Variants in ZNF417 observed in about 807,000 individuals in gnomAD.
ZNF417 encodes zinc finger protein 417.
In ZNF417, 5 loss-of-function variants were observed where a neutral mutation model predicts 7.4. The observed-to-expected ratio is 0.68, with a 90% CI of 0.35 to 1.43. ZNF417 has a LOEUF of 1.43. Ranked by LOEUF, ZNF417 falls within the 40% of genes most tolerant of loss-of-function variation. The pLI, the probability that ZNF417 is intolerant of heterozygous loss-of-function variation, is 0.04. For missense variants in ZNF417, 437 were observed against 697.3 expected, an observed-to-expected ratio of 0.63 and a Z score of 4.20; for synonymous variants, 147 against 239.1, an observed-to-expected ratio of 0.61 and a Z score of 3.55.
rs750919074 is a variant in ZNF417 at position 57,916,404 on chromosome 19, G to A, written c.8C>T (p.Ala3Val). The change falls in exon 1 of 3, where the codon GCG (alanine) becomes GTG (valine). Residue 3 changes from alanine (A) to valine (V), a missense_variant. Ala to Val is a moderately conservative substitution (Grantham distance 64, BLOSUM62 0). This residue lies in a region of ZNF417 where 57 missense variants were observed against 70.7 expected (regional missense o/e 0.81). Coordinates refer to ENST00000312026, the MANE Select transcript of ZNF417 (RefSeq NM_152475.3). ...CTGAGTCGGGCGCCTCGGCGCAGCC[G>A]CTGCCATCGGACTACTTGGGGAAGC... MAAAAPRRPTQQG... is the reference protein window; with the variant it reads MAVAAPRRPTQQG... The A allele has an allele frequency of 1.2e-6, 2 of 1,614,130 alleles. No individual in the cohort carries two copies. Among genetic ancestry groups the A allele is most frequent in the Non-Finnish European group, 1.7e-6 (2 of 1,180,046 alleles).
rs1251737996 is a variant in ZNF417 at position 57,912,007 on chromosome 19, C to T, written c.163+53G>A. ...GAAAGACAGTCCTGTCAATGAAAAA[C>T]AGGGGAACAGTAACACTAGCTCAGG... On this transcript the variant is annotated intron_variant, in intron 2 of 2. Transcript: ENST00000312026. 5 of 1,522,864 alleles carry T rather than the reference C, an allele frequency of 3.3e-6. No homozygotes were observed. In the Admixed American group the frequency reaches 6.5e-5, roughly 20 times the overall value. 94.3% of individuals were successfully genotyped at this position (1,522,864 alleles called of 1,614,324 possible).
rs1009487131 is a variant in ZNF417, at chr19:57,908,634, A to G, written c.1644T>C (p.Tyr548=). 9 of 1,614,214 alleles carry G rather than the reference A, an allele frequency of 5.6e-6. No individual in the cohort carries two copies. The highest frequency in any genetic ancestry group is 2.2e-5 in the East Asian group (1 of 44,882). The change falls in exon 3 of 3, where the codon TAT becomes TAC. Residue 548 remains tyrosine (Y), a synonymous_variant. Transcript: ENST00000312026. ...HRRIHTGERP[Y]ECTKCGKTFQ... Reference sequence around the variant, plus strand: ...ATGTTTTTCCACATTTGGTACATTCATAAGGCCTTTCTCCAGTGTGAATTC... The same window carrying G: ...ATGTTTTTCCACATTTGGTACATTCGTAAGGCCTTTCTCCAGTGTGAATTC...
At position 57,906,590 on chromosome 19, in the gene ZNF417, A is replaced by G. The variant is rs887390779; in HGVS notation, c.*1960T>C. On this transcript the variant is annotated 3_prime_UTR_variant, in exon 3 of 3. Transcript: ENST00000312026. ...AGCCTGGCTAACGTAGTGAAAGCCC[A>G]TCTCTACTAAAAATACAAAAATTAG... Among the ~76,000 whole-genome samples the G allele has an allele frequency of 6.6e-6, 1 of 151,100 alleles. No individual in the cohort carries two copies. The highest frequency in any genetic ancestry group is 1.5e-5 in the Non-Finnish European group (1 of 67,844).
At chr19:57,914,828 G>A (rs554114290) in intron 1 of ZNF417, among the ~76,000 whole-genome samples, 11 of 152,222 alleles carry the variant, frequency 7.2e-5, no homozygotes, top group African/African-American at 2.6e-4. Flanking sequence ...GGGCATACTT[G>A]CATATAACCT....
intron 2 of ZNF417, among the ~76,000 whole-genome samples, chr19:57,910,854 G>A (rs2071893202): frequency 6.6e-6 from 1 of 152,166 alleles, no homozygotes; most frequent in African/African-American, 2.4e-5. Context: ...GACGAGCCTG[G>A]CTAACACGGT....
At position 57,906,253 on chromosome 19, in the gene ZNF417, T is replaced by C. The variant is rs2071826069; in HGVS notation, c.*2297A>G. Among the ~76,000 whole-genome samples the C allele has an allele frequency of 6.6e-6, 1 of 152,194 alleles. No homozygotes were observed. Among genetic ancestry groups the C allele is most frequent in the Non-Finnish European group, 1.5e-5 (1 of 68,038 alleles). On this transcript the variant is annotated 3_prime_UTR_variant, in exon 3 of 3. Transcript: ENST00000312026. The stretch of plus-strand genomic sequence containing the variant: ...TTGATTAAAAATCATCAAAGATCTT[T>C]CCAGTGAGAAGGATGAAAAATATTA...
chr19:57,912,859 T>C (rs558862423), intron 1 of ZNF417, among the ~76,000 whole-genome samples: 3 of 151,980 alleles, frequency 2.0e-5, no homozygotes, highest in African/African-American at 7.2e-5. Flanking sequence ...AAGTGATCCA[T>C]CCGCCTTGGC....
chr19:57,909,176 T>C lies in ZNF417; in HGVS notation c.1102A>G (p.Ile368Val), dbSNP rs138596716. ...GKSFRQKFCFINHQRVHTGER... is the reference protein window; with the variant it reads ...GKSFRQKFCFVNHQRVHTGER... ...CCAGTGTGAACACGCTGATGGTTAA[T>C]AAAGCAGAACTTCTGACGAAAAGAT... Residue 368 changes from isoleucine (I) to valine (V), a missense_variant, in exon 3 of 3, where the codon ATT becomes GTT. By Grantham distance (29) the Ile-to-Val change is conservative (BLOSUM62 3). Coordinates refer to ENST00000312026, the MANE Select transcript of ZNF417 (RefSeq NM_152475.3). The C allele has an allele frequency of 2.3e-4, 369 of 1,614,044 alleles. No homozygotes were observed. Among genetic ancestry groups the C allele is most frequent in the Middle Eastern group, 3.3e-4 (2 of 6,062 alleles).
rs779927702 is a variant in ZNF417, at chr19:57,908,333, G to A, written c.*217C>T. The A allele has an allele frequency of 1.6e-4, 123 of 766,736 alleles. 1 individual carries two copies. The highest frequency in any genetic ancestry group is 8.3e-4 in the Admixed American group (28 of 33,644). 47.5% of individuals were successfully genotyped at this position (766,736 alleles called of 1,614,324 possible). A position where few individuals can be genotyped will look rare whatever the true frequency, so the allele number is the denominator to read the frequency against. Reference sequence around the variant, plus strand: ...GTAGGAGAATCACTTGAACCTGGGAGGCCCAAGTTGCAGTGAGCCAAGATT... The same window carrying A: ...GTAGGAGAATCACTTGAACCTGGGAAGCCCAAGTTGCAGTGAGCCAAGATT... On this transcript the variant is annotated 3_prime_UTR_variant, in exon 3 of 3. Transcript: ENST00000312026.
rs2071856335 is a variant in ZNF417, at chr19:57,908,375, G to C, written c.*175C>G. 1 of 1,263,264 alleles carries C rather than the reference G, an allele frequency of 7.9e-7. No homozygotes were observed. The highest frequency in any genetic ancestry group is 1.1e-6 in the Non-Finnish European group (1 of 911,922). The allele number at this position is 1,263,264 out of a possible 1,614,324, so 78.3% of individuals were successfully genotyped here. On this transcript the variant is annotated 3_prime_UTR_variant, in exon 3 of 3. Coordinates refer to ENST00000312026, the MANE Select transcript of ZNF417 (RefSeq NM_152475.3). ...GCCAAGATTGCACCACTGCACTCCAGCCTGGGTGACAGAATGAGACTCCGT... is the reference window on the plus strand; with the variant it reads ...GCCAAGATTGCACCACTGCACTCCACCCTGGGTGACAGAATGAGACTCCGT...
rs144713847 is a variant in ZNF417 at position 57,908,897 on chromosome 19, C to G, written c.1381G>C (p.Glu461Gln). 21 of 1,614,086 alleles carry G rather than the reference C, an allele frequency of 1.3e-5. No homozygotes were observed. In the African/African-American group the frequency reaches 2.8e-4, roughly 22 times the overall value. The change falls in exon 3 of 3, where the codon GAA becomes CAA. Residue 461 changes from glutamate (E) to glutamine (Q), a missense_variant. Transcript: ENST00000312026. ...CATACCTCACACGCATATGGCCTTT[C>G]TCCAGTGTGAACTCTCTCATGAACG... ...LLVHERVHTG[E>Q]RPYACEVCGK...
chr19:57,912,649 C>T (rs1479026311), intron 1 of ZNF417, among the ~76,000 whole-genome samples: 2 of 152,130 alleles, frequency 1.3e-5, no homozygotes, highest in African/African-American at 2.4e-5. Context: ...AGCTCTGTCA[C>T]CCAGGCTGGA....
Position 57,908,452 on chromosome 19 carries a change from C to T in ZNF417, c.*98G>A. The T allele has an allele frequency of 6.3e-7, 1 of 1,595,428 alleles. No individual in the cohort carries two copies. The highest frequency in any genetic ancestry group is 8.6e-7 in the Non-Finnish European group (1 of 1,167,738). ...GGAGAGCAGACATTCTGATGTTTCC[C>T]AGATTGACAGCACTCATAAGGCCTT... On this transcript the variant is annotated 3_prime_UTR_variant, in exon 3 of 3. Transcript: ENST00000312026.
At chr19:57,912,803 G>C (rs145764120) in intron 1 of ZNF417, among the ~76,000 whole-genome samples, 1 of 151,740 alleles carries the variant, frequency 6.6e-6, no homozygotes, top group Non-Finnish European at 1.5e-5. Flanking sequence ...TTGGTAGAGA[G>C]GGGGTTTCAC....
At position 57,909,366 on chromosome 19, in the gene ZNF417, A is replaced by C. The variant is rs761819880; in HGVS notation, c.912T>G (p.Ser304=). 8.1e-6 allele frequency: 13 copies of C among 1,614,064 alleles called. No individual in the cohort carries two copies. Among genetic ancestry groups the C allele is most frequent in the Middle Eastern group, 1.6e-4 (1 of 6,084 alleles). ...TAATAAGGCTGCCCTTCTGACTAAA[A>C]GATTTCCCGCACTCCTCACAGGGAT... ...TAYPCEECGK[S]FSQKGSLISH... The change falls in exon 3 of 3, where the codon TCT becomes TCG. Residue 304 remains serine (S), a synonymous_variant. Transcript: ENST00000312026.
At chr19:57,915,467 G>A (rs1252764107) in intron 1 of ZNF417, 8 of 487,898 alleles carry the variant, frequency 1.6e-5, no homozygotes, top group African/African-American at 1.4e-4. Flanking sequence ...CCCTGTGCTT[G>A]TTGCTCTCCC....
In ZNF417 at chr19:57,912,729, C is replaced by T. The variant is rs2071909760; in HGVS notation, c.34-540G>A. ...GTTCAAGTGATTCTCGTGCCTCAGC[C>T]TCCCAAGTAGCCGGGATTACAGCCA... On this transcript the variant is annotated intron_variant, in intron 1 of 2. Coordinates refer to ENST00000312026, the MANE Select transcript of ZNF417 (RefSeq NM_152475.3). 5.9e-5 allele frequency among the ~76,000 whole-genome samples: 9 copies of T among 152,202 alleles called. No individual in the cohort carries two copies. In the South Asian group the frequency reaches 1.7e-3, roughly 28 times the overall value.
In ZNF417 at chr19:57,916,581, A is replaced by G. The variant is rs898326539; in HGVS notation, c.-170T>C. On this transcript the variant is annotated 5_prime_UTR_variant, in exon 1 of 3. Coordinates refer to ENST00000312026, the MANE Select transcript of ZNF417 (RefSeq NM_152475.3). Reference sequence around the variant, plus strand: ...GGGGAAACACCCGCGTCACCGATACACAGCCGCTACTAGAGACCCCGGAAG... The same window carrying G: ...GGGGAAACACCCGCGTCACCGATACGCAGCCGCTACTAGAGACCCCGGAAG... The G allele has an allele frequency of 2.0e-6, 3 of 1,475,314 alleles. No homozygotes were observed. The highest frequency in any genetic ancestry group is 2.7e-5 in the South Asian group (2 of 73,826). The allele number at this position is 1,475,314 out of a possible 1,614,324, so 91.4% of individuals were successfully genotyped here.
In ZNF417 at chr19:57,916,553, A is replaced by C; in HGVS notation, c.-142T>G. 1 of 1,513,786 alleles carries C rather than the reference A, an allele frequency of 6.6e-7. No individual in the cohort carries two copies. The highest frequency in any genetic ancestry group is 8.8e-7 in the Non-Finnish European group (1 of 1,132,864). 93.8% of individuals were successfully genotyped at this position (1,513,786 alleles called of 1,614,324 possible). A position where few individuals can be genotyped will look rare whatever the true frequency, so the allele number is the denominator to read the frequency against. On this transcript the variant is annotated 5_prime_UTR_variant, in exon 1 of 3. Transcript: ENST00000312026. ...CCCCCCCAGCACTCAGGGGCCACAA[A>C]CTGGGGAAACACCCGCGTCACCGAT...
Sources: gnomAD v4.1 joint callset for allele counts (sites outside exome capture counted in the v4.1 genomes callset) on GRCh38, gnomAD v4.1.1 for gene constraint, gnomAD v4.1.1 regional missense constraint, MANE v1.5 for transcripts, NCBI Gene and HGNC (gene_info 2026-07-23, HGNC 2026-07-21) for gene names.